PTPRA: variants seen among roughly 807,000 people sequenced by gnomAD.
The protein encoded by PTPRA is protein tyrosine phosphatase receptor type A.
A neutral mutation model predicts 104.8 loss-of-function variants in PTPRA; 25 were observed. The ratio of observed to expected loss-of-function variants is 0.24; its 90% CI spans 0.17 to 0.33. The LOEUF is 0.33. Ranked by LOEUF, PTPRA falls within the 10% of genes least tolerant of loss-of-function variation. The pLI is 1.00. For missense variants in PTPRA, 765 were observed against 1,015.3 expected, an observed-to-expected ratio of 0.75 and a Z score of 3.35; for synonymous variants, 323 against 368.9, an observed-to-expected ratio of 0.88 and a Z score of 1.43.
intron 2 of PTPRA, among the ~76,000 whole-genome samples, chr20:2,946,352 G>A (rs961668550): frequency 2.6e-5 from 4 of 152,138 alleles, no homozygotes; most frequent in Non-Finnish European, 5.9e-5. Flanking sequence ...GGCTCCAGGT[G>A]TAGCTCTGTA....
At chr20:3,017,320 G>A (rs1008739526) in intron 12 of PTPRA, among the ~76,000 whole-genome samples, 1 of 152,080 alleles carries the variant, frequency 6.6e-6, no homozygotes, top group Non-Finnish European at 1.5e-5. Context: ...ATTTTCCTCT[G>A]TTTGCCTCTC....
intron 10 of PTPRA, among the ~76,000 whole-genome samples, chr20:3,006,395 T>TCTCAAACTCTTGGC (rs1331874738): frequency 6.6e-6 from 1 of 152,072 alleles, no homozygotes; most frequent in African/African-American, 2.4e-5. Context: ...CCCAGCCTGG[T>TCTCAAACTCTTGGC]CTCAAACTCT....
the PTPRA span, chr20:2,866,196 C>A: frequency 3.3e-5 from 54 of 1,613,404 alleles, no homozygotes; most frequent in Non-Finnish European, 4.6e-5. Flanking sequence ...CCTCCACCCG[C>A]TTCCTCTCCT....
At chr20:2,967,531 A>G (rs2061989665) in intron 5 of PTPRA, among the ~76,000 whole-genome samples, 1 of 151,972 alleles carries the variant, frequency 6.6e-6, no homozygotes, top group Non-Finnish European at 1.5e-5. Context: ...TTTTTTCTGG[A>G]TTTAATACTT....
chr20:2,882,098 C>T (rs957042248), intron 1 of PTPRA, among the ~76,000 whole-genome samples: 2 of 152,094 alleles, frequency 1.3e-5, no homozygotes, highest in South Asian at 4.1e-4. Context: ...GACTGATGTA[C>T]TACATGGAAA....
chr20:2,867,821 G>A, the PTPRA span, among the ~76,000 whole-genome samples: 1 of 152,226 alleles, frequency 6.6e-6, no homozygotes, highest in East Asian at 1.9e-4. Flanking sequence ...GAGACTCAGG[G>A]CCTGAGAAGG....
chr20:3,034,116 C>A (rs541646412), intron 20 of PTPRA, among the ~76,000 whole-genome samples: 1 of 152,036 alleles, frequency 6.6e-6, no homozygotes, highest in African/African-American at 2.4e-5. Context: ...ACTAAAAATA[C>A]AAAAATTAGC....
chr20:2,913,995 A>G (rs899777063), intron 1 of PTPRA, among the ~76,000 whole-genome samples: 2 of 152,100 alleles, frequency 1.3e-5, no homozygotes, highest in African/African-American at 2.4e-5. Context: ...TGAAAGGAAA[A>G]ACTGTTTTCT....
At chr20:2,964,454 A>C in intron 4 of PTPRA, 104 bp downstream of exon 4, 1 of 1,027,824 alleles carries the variant, frequency 9.7e-7, no homozygotes, top group Non-Finnish European at 1.4e-6. Flanking sequence ...AAGGAATATA[A>C]AAATTTTATT....
chr20:2,916,777 C>A (rs1051408950), intron 1 of PTPRA, among the ~76,000 whole-genome samples: 12 of 152,040 alleles, frequency 7.9e-5, no homozygotes, highest in African/African-American at 2.7e-4. Flanking sequence ...TAAAACTATT[C>A]CATTGATCTA....
In PTPRA at chr20:3,024,399, G is replaced by C. The variant is rs2065034253; in HGVS notation, c.1465-73G>C. On this transcript the variant is annotated intron_variant, in intron 16 of 23. Transcript: ENST00000399903. ...GAGAAATGGACTGGAGTGAAGTGGG[G>C]GTGGGAACAGGTGATCTGGCATGAG... 7.6e-6 allele frequency: 11 copies of C among 1,438,998 alleles called. No individual in the cohort carries two copies. In the South Asian group the frequency reaches 1.4e-4, roughly 18 times the overall value. The allele number at this position is 1,438,998 out of a possible 1,614,324, so 89.1% of individuals were successfully genotyped here.
chr20:3,037,049 A>AGC lies in PTPRA; in HGVS notation c.2199-104_2199-103dup. ...CTGGTGGGTCCACAGGGCAAAGGCGAGCACCAGCTGCCTGCCCCCACCTCT... is the reference window on the plus strand; with the variant it reads ...CTGGTGGGTCCACAGGGCAAAGGCGAGCGCACCAGCTGCCTGCCCCCACCTCT... On this transcript the variant is annotated intron_variant, in intron 22 of 23. Transcript: ENST00000399903. This position sits in a 1 kb window ranked among gnomAD's most constrained non-coding sequence, Gnocchi z 4.3. 1 of 1,501,258 alleles carries AGC rather than the reference A, an allele frequency of 6.7e-7. No homozygotes were observed. Among genetic ancestry groups the AGC allele is most frequent in the Non-Finnish European group, 9.1e-7 (1 of 1,104,902 alleles). The allele number at this position is 1,501,258 out of a possible 1,614,324, so 93.0% of individuals were successfully genotyped here. A position where few individuals can be genotyped will look rare whatever the true frequency, so the allele number is the denominator to read the frequency against.
intron 1 of PTPRA, among the ~76,000 whole-genome samples, chr20:2,892,684 G>A (rs1379452664): frequency 6.6e-6 from 1 of 152,200 alleles, no homozygotes; most frequent in Admixed American, 6.5e-5. Context: ...ATGGCATTCG[G>A]TAGGTAAAGT....
At chr20:3,015,521 C>G (rs903627781) in intron 11 of PTPRA, among the ~76,000 whole-genome samples, 2 of 152,014 alleles carry the variant, frequency 1.3e-5, no homozygotes, top group Non-Finnish European at 2.9e-5. Context: ...TGGCCCCATG[C>G]TCTCACACTC....
At chr20:2,989,006 G>A (rs763779314) in intron 9 of PTPRA, among the ~76,000 whole-genome samples, 1 of 152,192 alleles carries the variant, frequency 6.6e-6, no homozygotes, top group African/African-American at 2.4e-5. Context: ...GGGAAATGAC[G>A]ACCATGGGAG....
Position 2,988,024 on chromosome 20 carries a change from C to G in PTPRA, c.528-8C>G, listed in dbSNP as rs771692789. 6.4e-7 allele frequency: 1 copy of G among 1,551,308 alleles called. No individual in the cohort carries two copies. Among genetic ancestry groups the G allele is most frequent in the South Asian group, 1.1e-5 (1 of 89,778 alleles). ...CTCCATTCTTCACTGTGATCATTTT[C>G]TCATTAGGTTTAAGAAATACAAGCA... On this transcript the variant is annotated splice_region_variant and splice_polypyrimidine_tract_variant and intron_variant, in intron 7 of 23. Transcript: ENST00000399903.
intron 2 of PTPRA, among the ~76,000 whole-genome samples, chr20:2,941,441 C>A (rs370661304): frequency 6.6e-6 from 1 of 152,340 alleles, no homozygotes; most frequent in East Asian, 1.9e-4. Flanking sequence ...TCTATTATCA[C>A]ACCCTGTGCA....
chr20:2,956,614 C>G (rs1265159790), intron 3 of PTPRA, among the ~76,000 whole-genome samples: 1 of 151,982 alleles, frequency 6.6e-6, no homozygotes, highest in Non-Finnish European at 1.5e-5. Flanking sequence ...GATTGTCCCA[C>G]TGCACTCCAA....
chr20:2,870,717 C>T (rs541848832), upstream of PTPRA, among the ~76,000 whole-genome samples: 1 of 152,324 alleles, frequency 6.6e-6, no homozygotes, highest in Non-Finnish European at 1.5e-5. Context: ...TCCTTTCCCC[C>T]CATCCTCCAG....
Sources: allele counts gnomAD v4.1 joint callset (sites outside exome capture counted in the v4.1 genomes callset), GRCh38; gene constraint gnomAD v4.1.1; non-coding constraint Gnocchi (gnomAD v3.1); transcripts MANE v1.5; gene names NCBI Gene and HGNC (gene_info 2026-07-23, HGNC 2026-07-21).